Variants in SLC35F5 observed in about 807,000 individuals in gnomAD.
The protein encoded by SLC35F5 is HCV NS5A-transactivated protein 3.
SLC35F5 carries 54 observed loss-of-function variants against 68.6 expected under a neutral mutation model. The ratio of observed to expected loss-of-function variants is 0.79; its 90% confidence interval spans 0.63 to 0.99. The LOEUF (loss-of-function observed/expected upper bound fraction) is 0.99, where lower values mean the gene tolerates loss of function less well. SLC35F5 is among the 50% of genes least tolerant of loss of function. The probability of loss-of-function intolerance (pLI) is 0.00; values close to 1 mark genes in which losing one functional copy is unlikely to be tolerated. For synonymous variants in SLC35F5, 211 were observed against 205.2 expected, an observed-to-expected ratio of 1.03 and a Z score of -0.24; for missense variants, 567 against 626.9, an observed-to-expected ratio of 0.90 and a Z score of 1.02.
At chr2:113,742,181 T>C (rs1002846462) in intron 7 of SLC35F5, 1 of 152,798 alleles carries the variant, frequency 6.5e-6, no homozygotes, top group African/African-American at 2.4e-5. Context: ...TCAGTTTCTA[T>C]CTTTAAAAAG....
In SLC35F5 at chr2:113,710,727, G is replaced by A. The variant is rs1406072251; in HGVS notation, c.*4491C>T. Among the ~76,000 whole-genome samples, 1 of 151,428 alleles carries A rather than the reference G, an allele frequency of 6.6e-6. No homozygotes were observed. The highest frequency in any genetic ancestry group is 1.5e-5 in the Non-Finnish European group (1 of 67,908). ...GGAGGTTGCAGTGAGCCAAGATCCT[G>A]CCACTGCACTCCAGCCTGGGTGACA... On this transcript the variant is annotated 3_prime_UTR_variant, in exon 16 of 16. Transcript: ENST00000245680.
chr2:113,747,976 C>T (rs1437850535), intron 4 of SLC35F5, among the ~76,000 whole-genome samples: 2 of 152,004 alleles, frequency 1.3e-5, no homozygotes, highest in African/African-American at 4.8e-5. Flanking sequence ...CCTGTAATCC[C>T]AGCTACTTAG....
intron 13 of SLC35F5, among the ~76,000 whole-genome samples, chr2:113,720,955 A>G (rs1687406614): frequency 6.6e-6 from 1 of 152,186 alleles, no homozygotes; most frequent in South Asian, 2.1e-4. Flanking sequence ...GCCATTTATT[A>G]CAACAAAGAA....
intron 7 of SLC35F5, among the ~76,000 whole-genome samples, chr2:113,741,523 G>C (rs1676274690): frequency 6.6e-6 from 1 of 152,088 alleles, no homozygotes; most frequent in African/African-American, 2.4e-5. Flanking sequence ...CCAACATGGA[G>C]AAATCCTGTC....
chr2:113,755,697 T>TCA (rs1196260768), intron 1 of SLC35F5, among the ~76,000 whole-genome samples, 153 bp from the exon 2 acceptor site: 2 of 152,132 alleles, frequency 1.3e-5, no homozygotes, highest in Non-Finnish European at 2.9e-5. Flanking sequence ...CTCAGTACTT[T>TCA]CATGGTATCC....
chr2:113,731,137 C>T (rs1687867008), intron 10 of SLC35F5, among the ~76,000 whole-genome samples: 1 of 152,118 alleles, frequency 6.6e-6, no homozygotes, highest in East Asian at 1.9e-4. Flanking sequence ...GAGGAACATT[C>T]TACAAACCAA....
rs2104958971 is a variant in SLC35F5 at position 113,713,912 on chromosome 2, A to C, written c.*1306T>G. On this transcript the variant is annotated 3_prime_UTR_variant, in exon 16 of 16. Transcript: ENST00000245680. Reference sequence around the variant, plus strand: ...CACCAAAGCAATTTTAAGAATGTGAATAGGAAGCTAAACACTGCAAAGAGA... The same window carrying C: ...CACCAAAGCAATTTTAAGAATGTGACTAGGAAGCTAAACACTGCAAAGAGA... 6.6e-6 allele frequency: 1 copy of C among 152,304 alleles called. No homozygotes were observed. The highest frequency in any genetic ancestry group is 1.5e-5 in the Non-Finnish European group (1 of 68,010). 9.4% of individuals were successfully genotyped at this position (152,304 alleles called of 1,614,324 possible).
intron 13 of SLC35F5, among the ~76,000 whole-genome samples, chr2:113,720,600 T>C (rs1559321595): frequency 6.6e-6 from 1 of 152,188 alleles, no homozygotes; most frequent in Non-Finnish European, 1.5e-5. Context: ...TTCATTTAGT[T>C]ATGAAATTAC....
chr2:113,756,005 C>T lies in SLC35F5; in HGVS notation c.40+365G>A, dbSNP rs79995040. 8.6e-5 allele frequency: 131 copies of T among 1,516,754 alleles called. 1 individual carries two copies. In the African/African-American group the frequency reaches 1.6e-3, roughly 19 times the overall value. The allele number at this position is 1,516,754 out of a possible 1,614,324, so 94.0% of individuals were successfully genotyped here. On this transcript the variant is annotated intron_variant, in intron 1 of 15. Transcript: ENST00000245680. Reference sequence around the variant, plus strand: ...CTTGAAGGCACCTTTCCAATCTCTTCAAGTGGTAAAAGAAAAGGATTCTCC... The same window carrying T: ...CTTGAAGGCACCTTTCCAATCTCTTTAAGTGGTAAAAGAAAAGGATTCTCC...
At chr2:113,736,116 TG>T (rs1386770112) in intron 7 of SLC35F5, among the ~76,000 whole-genome samples, 3 of 151,786 alleles carry the variant, frequency 2.0e-5, no homozygotes, top group Non-Finnish European at 4.4e-5. Context: ...TTTTTTTTAA[TG>T]AGTAAAATCA....
intron 15 of SLC35F5, among the ~76,000 whole-genome samples, chr2:113,715,581 G>T (rs1166889411): frequency 6.6e-6 from 1 of 152,074 alleles, no homozygotes; most frequent in African/African-American, 2.4e-5. Context: ...GATATGGGTA[G>T]GTTTAAGTGT....
chr2:113,751,813 C>CAAAAAAG (rs71392579), intron 3 of SLC35F5, among the ~76,000 whole-genome samples: 74,277 of 150,968 alleles, frequency 0.49, 18,832 homozygotes, highest in Middle Eastern at 0.66. Flanking sequence ...ACTCTGTCCC[C>CAAAAAAG]AAAAAAGAAA....
At chr2:113,718,749 C>A (rs1017244045) in intron 14 of SLC35F5, among the ~76,000 whole-genome samples, 1 of 150,748 alleles carries the variant, frequency 6.6e-6, no homozygotes, top group Non-Finnish European at 1.5e-5. Flanking sequence ...GAGCTGAGAT[C>A]GTGCCATTGC....
intron 12 of SLC35F5, among the ~76,000 whole-genome samples, chr2:113,723,487 T>C (rs1574222097): frequency 2.0e-5 from 3 of 152,298 alleles, no homozygotes; most frequent in Non-Finnish European, 4.4e-5. Context: ...ATTTCATTAA[T>C]TTTTTTAAAA....
intron 9 of SLC35F5, among the ~76,000 whole-genome samples, chr2:113,733,071 G>C (rs1303659084): frequency 6.6e-6 from 1 of 152,054 alleles, no homozygotes; most frequent in Non-Finnish European, 1.5e-5. Context: ...ATTAAACAAT[G>C]TTTAATACAT....
intron 7 of SLC35F5, among the ~76,000 whole-genome samples, chr2:113,738,570 G>A (rs11682259): frequency 0.5 from 75,126 of 151,668 alleles, 19,222 homozygotes; most frequent in Middle Eastern, 0.66. Flanking sequence ...AGGTACAGAT[G>A]TCTCTTTGAG....
rs749683310 is a variant in SLC35F5, at chr2:113,723,154, G to A, written c.1291C>T (p.Leu431=). ...LTSSLIGTLA[L]SLTIPLSIIA... Reference sequence around the variant, plus strand: ...ATGGACAGAGGTATTGTAAGGCTTAGTGCAAGTGTGCCTATCAATGATGAG... The same window carrying A: ...ATGGACAGAGGTATTGTAAGGCTTAATGCAAGTGTGCCTATCAATGATGAG... The change falls in exon 13 of 16, where the codon CTA becomes TTA. Residue 431 remains leucine, a synonymous_variant. Transcript: ENST00000245680. The A allele has an allele frequency of 6.3e-6, 10 of 1,593,618 alleles. No individual in the cohort carries two copies. Among genetic ancestry groups the A allele is most frequent in the South Asian group, 1.2e-5 (1 of 85,618 alleles).
intron 12 of SLC35F5, among the ~76,000 whole-genome samples, chr2:113,724,236 A>T (rs950266098): frequency 6.6e-6 from 1 of 152,224 alleles, no homozygotes; most frequent in African/African-American, 2.4e-5. Context: ...CATGCAGAGT[A>T]CTATAATAAA....
chr2:113,703,500 T>C (rs551501263), downstream of SLC35F5, among the ~76,000 whole-genome samples: 1 of 152,204 alleles, frequency 6.6e-6, no homozygotes, highest in Non-Finnish European at 1.5e-5. Context: ...TCACAGCAAA[T>C]AGAGAGTCCT....
Sources: allele counts gnomAD v4.1 joint callset (sites outside exome capture counted in the v4.1 genomes callset), GRCh38; gene constraint gnomAD v4.1.1; transcripts MANE v1.5; gene names NCBI Gene and HGNC (gene_info 2026-07-23, HGNC 2026-07-21).